The following SGCD variants were observed in gnomAD, a reference collection of about 807,000 sequenced individuals.
SGCD encodes the protein delta-sarcoglycan.
A neutral mutation model predicts 36.6 loss-of-function variants in SGCD; 18 were observed. That is an observed-to-expected ratio of 0.49 (90% CI 0.34 to 0.73). The LOEUF is 0.73. SGCD is among the 30% of genes least tolerant of loss of function. The pLI is 0.01. For missense variants in SGCD, 387 were observed against 346.7 expected, an observed-to-expected ratio of 1.12 and a Z score of -0.92; for synonymous variants, 133 against 130.6, an observed-to-expected ratio of 1.02 and a Z score of -0.12.
rs116796076 is a variant in SGCD, at chr5:156,510,272, C to T, written c.294+1570C>T. Among the ~76,000 whole-genome samples, 520 of 152,296 alleles carry T rather than the reference C, an allele frequency of 3.4e-3. 1 individual carries two copies. The highest frequency in any genetic ancestry group is 0.012 in the African/African-American group (490 of 41,572). On this transcript the variant is annotated intron_variant, in intron 4 of 8. Coordinates refer to ENST00000337851, the MANE Select transcript of SGCD (RefSeq NM_000337.6). ...ACACAGAGTATTGTGAACATATTTA[C>T]TGTCATTGAGAAACCTATACCCTAG...
At chr5:155,869,820 GA>G (rs1755597300), upstream of SGCD, among the ~76,000 whole-genome samples, 1 of 152,126 alleles carries the variant, frequency 6.6e-6, no homozygotes, top group Non-Finnish European at 1.5e-5. Flanking sequence ...CCAACATGGT[GA>G]AACCCTGTCT....
chr5:156,158,827 A>G (rs891558671), intron 3 of SGCD, among the ~76,000 whole-genome samples: 9 of 151,574 alleles, frequency 5.9e-5, no homozygotes, highest in Admixed American at 3.9e-4. Context: ...ATCACACAGC[A>G]TACTAGCATG....
chr5:155,843,328 C>T, the SGCD span, among the ~76,000 whole-genome samples: 60 of 152,184 alleles, frequency 3.9e-4, no homozygotes, highest in South Asian at 3.9e-3. Context: ...CTAGATAAAA[C>T]ACTTCACTTG....
intron 7 of SGCD, among the ~76,000 whole-genome samples, chr5:156,745,153 AC>A (rs540823881): frequency 2.7e-5 from 4 of 150,884 alleles, no homozygotes; most frequent in East Asian, 2.0e-4. Flanking sequence ...TGAAACTGGG[AC>A]CCCCCCAGTT....
intron 3 of SGCD, among the ~76,000 whole-genome samples, chr5:156,148,964 C>T (rs1175596908): frequency 6.6e-6 from 1 of 152,166 alleles, no homozygotes; most frequent in Non-Finnish European, 1.5e-5. Context: ...ACTTTGGGGT[C>T]TAAGAAGCCA....
chr5:156,418,276 A>G (rs1773143353), intron 3 of SGCD, among the ~76,000 whole-genome samples: 1 of 152,198 alleles, frequency 6.6e-6, no homozygotes, highest in African/African-American at 2.4e-5. Flanking sequence ...GATGTGAGTT[A>G]GGATATATTT....
the SGCD span, among the ~76,000 whole-genome samples, chr5:155,844,797 A>C: frequency 2.1e-4 from 32 of 152,352 alleles, no homozygotes; most frequent in African/African-American, 7.2e-4. Flanking sequence ...GGTATAGCAC[A>C]GTGGCCAATT....
At chr5:155,831,898 T>G in the SGCD span, among the ~76,000 whole-genome samples, 2 of 152,166 alleles carry the variant, frequency 1.3e-5, no homozygotes, top group Non-Finnish European at 2.9e-5. Context: ...CCCTCTTTAC[T>G]TGCACTCAGA....
intron 7 of SGCD, among the ~76,000 whole-genome samples, chr5:156,673,739 T>G (rs1753398577): frequency 6.6e-6 from 1 of 152,214 alleles, no homozygotes; most frequent in South Asian, 2.1e-4. Flanking sequence ...TTATAGTCAC[T>G]TCACACTTCG....
At chr5:155,890,801 C>T (rs1365886542) in intron 1 of SGCD, among the ~76,000 whole-genome samples, 1 of 152,010 alleles carries the variant, frequency 6.6e-6, no homozygotes, top group Non-Finnish European at 1.5e-5. Flanking sequence ...TATGAATGAA[C>T]CCCCACCTAC....
chr5:155,993,605 A>C (rs918548493), intron 1 of SGCD, among the ~76,000 whole-genome samples: 1 of 152,172 alleles, frequency 6.6e-6, no homozygotes, highest in African/African-American at 2.4e-5. Context: ...TCAGCCTTCC[A>C]AAGTGATGGG....
chr5:155,817,196 A>G, the SGCD span, among the ~76,000 whole-genome samples: 3 of 152,056 alleles, frequency 2.0e-5, no homozygotes, highest in African/African-American at 7.2e-5. Context: ...TCCTGGTTTT[A>G]TTTTATTCTT....
chr5:155,913,613 T>C (rs1349969914), intron 1 of SGCD, among the ~76,000 whole-genome samples: 2 of 152,198 alleles, frequency 1.3e-5, no homozygotes, highest in Non-Finnish European at 2.9e-5. Context: ...GCTTTATATT[T>C]CTAGTTTCTG....
intron 4 of SGCD, among the ~76,000 whole-genome samples, chr5:156,540,443 G>T (rs1758306556): frequency 6.6e-6 from 1 of 151,996 alleles, no homozygotes; most frequent in African/African-American, 2.4e-5. Flanking sequence ...TGGCAATGCT[G>T]GGAACTAACA....
intron 1 of SGCD, among the ~76,000 whole-genome samples, chr5:156,050,993 T>A (rs570818788): frequency 6.8e-6 from 1 of 146,502 alleles, no homozygotes; most frequent in Non-Finnish European, 1.5e-5. Flanking sequence ...TATTCCCTTG[T>A]CCCAGGGATT....
intron 3 of SGCD, among the ~76,000 whole-genome samples, chr5:156,219,906 A>C (rs1292837267): frequency 6.6e-6 from 1 of 152,206 alleles, no homozygotes; most frequent in Non-Finnish European, 1.5e-5. Context: ...CAGCTGCTGC[A>C]CATTTTGTAT....
At chr5:155,908,479 G>C (rs1403453089) in intron 1 of SGCD, among the ~76,000 whole-genome samples, 6 of 152,140 alleles carry the variant, frequency 3.9e-5, no homozygotes, top group African/African-American at 7.2e-5. Context: ...ACTTTGTTGA[G>C]TAAGTTTGGA....
chr5:156,000,921 G>C (rs1046817727), intron 1 of SGCD, among the ~76,000 whole-genome samples: 3 of 152,110 alleles, frequency 2.0e-5, no homozygotes, highest in Non-Finnish European at 4.4e-5. Flanking sequence ...CTGATCCAGG[G>C]ACCACACTTT....
chr5:156,029,069 A>G (rs1158537713), intron 1 of SGCD, among the ~76,000 whole-genome samples: 1 of 152,152 alleles, frequency 6.6e-6, no homozygotes, highest in African/African-American at 2.4e-5. Context: ...TTAATTAATT[A>G]AGGTCACCAT....
Sources: gnomAD v4.1 joint callset for allele counts (sites outside exome capture counted in the v4.1 genomes callset) on GRCh38, gnomAD v4.1.1 for gene constraint, MANE v1.5 for transcripts, NCBI Gene and HGNC (gene_info 2026-07-23, HGNC 2026-07-21) for gene names.